Variants in FRMD5 observed in about 807,000 individuals in gnomAD.
FRMD5 encodes the protein FERM domain-containing protein 5.
A neutral mutation model predicts 69.0 loss-of-function variants in FRMD5; 20 were observed. The ratio of observed to expected loss-of-function variants is 0.29; its 90% CI spans 0.20 to 0.42. The LOEUF (loss-of-function observed/expected upper bound fraction) is 0.42, where lower values mean the gene tolerates loss of function less well. Ranked by LOEUF, FRMD5 falls within the 10% of genes least tolerant of loss-of-function variation. The pLI is 1.00. For missense variants in FRMD5, 595 were observed against 708.6 expected (o/e 0.84, Z 1.82); for synonymous variants, 271 against 260.1 (o/e 1.04, Z -0.40).
At chr15:44,171,869 T>A (rs2077810305) in intron 1 of FRMD5, among the ~76,000 whole-genome samples, 1 of 152,190 alleles carries the variant, frequency 6.6e-6, no homozygotes, top group African/African-American at 2.4e-5. Context: ...GTTCAAATGA[T>A]TCTGGTGCCT....
chr15:43,940,124 C>G (rs543639161), intron 1 of FRMD5, among the ~76,000 whole-genome samples: 1 of 152,272 alleles, frequency 6.6e-6, no homozygotes, highest in South Asian at 2.1e-4. Flanking sequence ...TTGCGGTGAA[C>G]CCAGATGGAG....
chr15:44,155,561 C>A (rs1047834789), intron 1 of FRMD5, among the ~76,000 whole-genome samples: 1 of 152,096 alleles, frequency 6.6e-6, no homozygotes, highest in Non-Finnish European at 1.5e-5. Flanking sequence ...GGGTTGAATT[C>A]TTTTATTCAC....
chr15:43,916,800 CAG>C (rs1477517102), intron 4 of FRMD5, among the ~76,000 whole-genome samples: 1 of 144,904 alleles, frequency 6.9e-6, no homozygotes, highest in Non-Finnish European at 1.5e-5. Context: ...TTTTTTGAGA[CAG>C]AGTTTCACCC....
At chr15:44,191,358 C>A (rs958832583) in intron 1 of FRMD5, among the ~76,000 whole-genome samples, 3 of 151,966 alleles carry the variant, frequency 2.0e-5, no homozygotes, top group African/African-American at 7.3e-5. Flanking sequence ...GGAGGCGAGG[C>A]GGGTGGATCA....
At chr15:43,906,018 G>T in intron 5 of FRMD5, 67 bp from the exon 6 acceptor site, 2 of 1,600,052 alleles carry the variant, frequency 1.2e-6, no homozygotes, top group Non-Finnish European at 1.7e-6. Context: ...AAAGCAACAA[G>T]AGATTAGCAC....
intron 1 of FRMD5, among the ~76,000 whole-genome samples, chr15:44,030,946 C>T (rs1323016816): frequency 1.4e-5 from 2 of 145,688 alleles, no homozygotes; most frequent in Non-Finnish European, 1.5e-5. Context: ...TTTGCCGAAG[C>T]AGGTTTTCCA....
At chr15:44,144,010 C>T (rs1021446851) in intron 1 of FRMD5, among the ~76,000 whole-genome samples, 1 of 148,832 alleles carries the variant, frequency 6.7e-6, no homozygotes, top group Non-Finnish European at 1.5e-5. Context: ...CGTAAATATA[C>T]AACACTCAAA....
chr15:43,994,318 TAAC>T (rs1180224643), intron 1 of FRMD5, among the ~76,000 whole-genome samples: 1 of 152,204 alleles, frequency 6.6e-6, no homozygotes, highest in African/African-American at 2.4e-5. Context: ...TTTAAACTGG[TAAC>T]AACTTTGAAT....
chr15:44,152,020 G>A (rs1283080949), intron 1 of FRMD5, among the ~76,000 whole-genome samples: 1 of 152,176 alleles, frequency 6.6e-6, no homozygotes, highest in African/African-American at 2.4e-5. Flanking sequence ...GACCAGCCTG[G>A]CCAACATGGT....
intron 4 of FRMD5, among the ~76,000 whole-genome samples, chr15:43,916,815 G>A (rs999672470): frequency 7.0e-6 from 1 of 142,528 alleles, no homozygotes; most frequent in African/African-American, 2.7e-5. Flanking sequence ...TTTCACCCTT[G>A]TTGCCCAGGC....
At chr15:43,996,021 G>A (rs1566887085) in intron 1 of FRMD5, among the ~76,000 whole-genome samples, 4 of 152,168 alleles carry the variant, frequency 2.6e-5, no homozygotes, top group Admixed American at 2.6e-4. Context: ...GCCTGGCCTG[G>A]AGCCCGTGTC....
intron 1 of FRMD5, among the ~76,000 whole-genome samples, chr15:44,021,354 T>C (rs546316963): frequency 6.6e-6 from 1 of 152,282 alleles, no homozygotes; most frequent in Admixed American, 6.5e-5. Flanking sequence ...AACCAGCTCA[T>C]AAAAGGTAAC....
chr15:44,073,686 C>T (rs1893635156), intron 1 of FRMD5, among the ~76,000 whole-genome samples: 1 of 152,140 alleles, frequency 6.6e-6, no homozygotes, highest in South Asian at 2.1e-4. Flanking sequence ...ATGCCTAGTC[C>T]TGATCTCAAG....
intron 3 of FRMD5, 114 bp downstream of exon 3, chr15:43,919,653 T>G: frequency 2.1e-6 from 3 of 1,442,170 alleles, no homozygotes; most frequent in Non-Finnish European, 9.7e-7. Context: ...AGGGCCAACT[T>G]ATACTCAGAA....
At chr15:44,151,790 C>G (rs1351348566) in intron 1 of FRMD5, among the ~76,000 whole-genome samples, 2 of 152,098 alleles carry the variant, frequency 1.3e-5, no homozygotes, top group African/African-American at 4.8e-5. Context: ...TCAAAATCAA[C>G]AGAGTAAAAA....
At chr15:44,114,324 C>T (rs1265319247) in intron 1 of FRMD5, among the ~76,000 whole-genome samples, 2 of 152,200 alleles carry the variant, frequency 1.3e-5, no homozygotes, top group African/African-American at 4.8e-5. Flanking sequence ...CTTAATACAT[C>T]AGTCCTCGCT....
chr15:43,980,602 CTT>C (rs1222254859), intron 1 of FRMD5, among the ~76,000 whole-genome samples: 3 of 152,138 alleles, frequency 2.0e-5, no homozygotes, highest in Admixed American at 1.3e-4. Flanking sequence ...ATTCTTGTCT[CTT>C]GACAATTTTC....
At chr15:43,987,642 T>A (rs562165458) in intron 1 of FRMD5, among the ~76,000 whole-genome samples, 71 of 152,222 alleles carry the variant, frequency 4.7e-4, no homozygotes, top group African/African-American at 1.7e-3. Context: ...CTCAGCCTCC[T>A]GGGTTCAAGT....
chr15:43,986,256 CCTT>C (rs1400291418), intron 1 of FRMD5, among the ~76,000 whole-genome samples: 1 of 152,176 alleles, frequency 6.6e-6, no homozygotes, highest in Non-Finnish European at 1.5e-5. Context: ...GGGGTTGCCT[CCTT>C]GTCTTCCAAT....
Sources: gnomAD v4.1 joint callset for allele counts (sites outside exome capture counted in the v4.1 genomes callset) on GRCh38, gnomAD v4.1.1 for gene constraint, MANE v1.5 for transcripts, NCBI Gene and HGNC (gene_info 2026-07-23, HGNC 2026-07-21) for gene names.